Variants in NLGN1 observed in about 807,000 individuals in gnomAD.
The protein encoded by NLGN1 is neuroligin-1.
Under a neutral mutation model 65.5 loss-of-function variants are expected in NLGN1, and 12 were observed. The observed-to-expected ratio is 0.18, with a 90% CI of 0.12 to 0.30. The LOEUF is 0.30. Among genes scored for constraint, NLGN1 ranks in the 10% least tolerant of loss-of-function variants. The probability of loss-of-function intolerance (pLI) is 1.00; values close to 1 mark genes in which losing one functional copy is unlikely to be tolerated. For synonymous variants in NLGN1, 350 were observed against 359.5 expected (o/e 0.97, Z 0.30); for missense variants, 750 against 1,007.1 (o/e 0.74, Z 3.46).
chr3:173,928,826 T>C (rs1743510247), intron 4 of NLGN1, among the ~76,000 whole-genome samples: 1 of 151,854 alleles, frequency 6.6e-6, no homozygotes, highest in African/African-American at 2.4e-5. Flanking sequence ...TGTGCCACCA[T>C]GTCTGGCTAA....
At chr3:173,718,191 A>G (rs367884103) in intron 3 of NLGN1, among the ~76,000 whole-genome samples, 7 of 152,114 alleles carry the variant, frequency 4.6e-5, no homozygotes, top group East Asian at 1.9e-4. Flanking sequence ...GAAATATACA[A>G]TAAATTATTG....
rs115203263 is a variant in NLGN1 at position 173,692,977 on chromosome 3, A to G, written c.493+87886A>G. On this transcript the variant is annotated intron_variant, in intron 3 of 6. Transcript: ENST00000457714. The stretch of plus-strand genomic sequence containing the variant: ...ATTTCTCCACCAGTGAGACGTTTCA[A>G]TCATACCAAGTATCCTTGCTATTTT... 7.8e-3 allele frequency among the ~76,000 whole-genome samples: 1,191 copies of G among 152,238 alleles called. 17 individuals are homozygous for G. The highest frequency in any genetic ancestry group is 0.027 in the African/African-American group (1,121 of 41,570).
intron 2 of NLGN1, among the ~76,000 whole-genome samples, chr3:173,550,985 C>T (rs1740760908): frequency 6.6e-6 from 1 of 152,162 alleles, no homozygotes; most frequent in Non-Finnish European, 1.5e-5. Flanking sequence ...TGTCTCCTCT[C>T]ATCTCAAATA....
At chr3:174,109,560 C>T (rs1172655711) in intron 4 of NLGN1, among the ~76,000 whole-genome samples, 3 of 151,844 alleles carry the variant, frequency 2.0e-5, no homozygotes, top group African/African-American at 7.2e-5. Context: ...GATCTTTTCT[C>T]TTTTTCATAT....
At chr3:173,757,372 A>C (rs986617353) in intron 3 of NLGN1, among the ~76,000 whole-genome samples, 1 of 152,080 alleles carries the variant, frequency 6.6e-6, no homozygotes, top group Non-Finnish European at 1.5e-5. Context: ...AAAAAAATTA[A>C]AAGTTGTACC....
At chr3:173,506,834 C>G (rs1012032181) in intron 2 of NLGN1, among the ~76,000 whole-genome samples, 1 of 152,060 alleles carries the variant, frequency 6.6e-6, no homozygotes, top group Non-Finnish European at 1.5e-5. Context: ...TCAGTTGTGT[C>G]AGTCATTGTG....
At chr3:173,655,352 T>C (rs1284421233) in intron 3 of NLGN1, among the ~76,000 whole-genome samples, 2 of 152,242 alleles carry the variant, frequency 1.3e-5, no homozygotes, top group South Asian at 2.1e-4. Context: ...CCTAAATATA[T>C]ATATGAACCT....
At chr3:173,432,572 T>C (rs1325591022) in intron 1 of NLGN1, among the ~76,000 whole-genome samples, 1 of 152,192 alleles carries the variant, frequency 6.6e-6, no homozygotes, top group African/African-American at 2.4e-5. Context: ...TTTAATCAGG[T>C]TATTCATTTT....
At chr3:173,601,857 AT>A (rs1472092850) in intron 2 of NLGN1, among the ~76,000 whole-genome samples, 5 of 151,906 alleles carry the variant, frequency 3.3e-5, no homozygotes, top group African/African-American at 1.2e-4. Flanking sequence ...AGGGTAGATC[AT>A]TTTTTAATTT....
intron 4 of NLGN1, among the ~76,000 whole-genome samples, chr3:174,060,195 G>C (rs993857683): frequency 6.6e-6 from 1 of 151,958 alleles, no homozygotes. Flanking sequence ...TAAAATTGGG[G>C]GTTCAGCTGA....
At chr3:173,552,790 C>G (rs975210533) in intron 2 of NLGN1, among the ~76,000 whole-genome samples, 1 of 152,168 alleles carries the variant, frequency 6.6e-6, no homozygotes, top group African/African-American at 2.4e-5. Flanking sequence ...CTGGCTGTCT[C>G]AGCATCATTT....
chr3:174,220,073 C>T (rs2152804407), intron 4 of NLGN1, among the ~76,000 whole-genome samples: 2 of 118,054 alleles, frequency 1.7e-5, no homozygotes, highest in East Asian at 5.3e-4. Context: ...TCCACAAAGT[C>T]TAAAGAGAGA....
chr3:174,271,316 A>T (rs1485562529), intron 4 of NLGN1, among the ~76,000 whole-genome samples: 1 of 150,280 alleles, frequency 6.7e-6, no homozygotes, highest in Non-Finnish European at 1.5e-5. Flanking sequence ...TTTTTTTAAC[A>T]TTCTAAAGAT....
intron 4 of NLGN1, among the ~76,000 whole-genome samples, chr3:174,169,696 A>C (rs997951242): frequency 2.6e-5 from 4 of 152,090 alleles, no homozygotes; most frequent in African/African-American, 9.7e-5. Context: ...GGCACCCAGC[A>C]ATGGCACACG....
intron 4 of NLGN1, among the ~76,000 whole-genome samples, chr3:174,021,696 A>G (rs1727778234): frequency 6.6e-6 from 1 of 152,204 alleles, no homozygotes; most frequent in Admixed American, 6.6e-5. Flanking sequence ...TGAGAAAATT[A>G]GAGCTACATG....
chr3:173,470,255 G>T (rs1381407456), intron 2 of NLGN1, among the ~76,000 whole-genome samples: 1 of 151,938 alleles, frequency 6.6e-6, no homozygotes, highest in Non-Finnish European at 1.5e-5. Context: ...ATCCTGTCTT[G>T]CCTCTTCTGC....
intron 4 of NLGN1, among the ~76,000 whole-genome samples, chr3:174,095,865 T>G (rs980658810): frequency 2.0e-5 from 3 of 151,912 alleles, no homozygotes; most frequent in African/African-American, 7.3e-5. Flanking sequence ...CTGGATGTGG[T>G]GGCATGTGCC....
intron 4 of NLGN1, among the ~76,000 whole-genome samples, chr3:174,117,508 C>T (rs1317728067): frequency 1.3e-5 from 2 of 151,724 alleles, no homozygotes; most frequent in Admixed American, 6.6e-5. Flanking sequence ...GTAGTCCCAG[C>T]TACTCGGGAG....
At chr3:174,052,815 C>T (rs1735206841) in intron 4 of NLGN1, among the ~76,000 whole-genome samples, 4 of 151,996 alleles carry the variant, frequency 2.6e-5, no homozygotes, top group Admixed American at 2.6e-4. Flanking sequence ...AATTCACTAT[C>T]AGTAAATTTC....
Sources: allele counts gnomAD v4.1 joint callset (sites outside exome capture counted in the v4.1 genomes callset), GRCh38; gene constraint gnomAD v4.1.1; transcripts MANE v1.5; gene names NCBI Gene and HGNC (gene_info 2026-07-23, HGNC 2026-07-21).